Variants in ICA1L observed in about 807,000 individuals in gnomAD.
The protein encoded by ICA1L is islet cell autoantigen 1 like, also known as islet cell autoantigen 1-like protein.
A neutral mutation model predicts 61.3 loss-of-function variants in ICA1L; 50 were observed. The ratio of observed to expected loss-of-function variants is 0.82; its 90% confidence interval spans 0.65 to 1.03. ICA1L has a LOEUF of 1.03. Among genes scored for constraint, ICA1L ranks in the 50% least tolerant of loss-of-function variants. ICA1L has a pLI of 0.00. For missense variants in ICA1L, 508 were observed against 556.7 expected, an observed-to-expected ratio of 0.91 and a Z score of 0.88; for synonymous variants, 161 against 191.3, an observed-to-expected ratio of 0.84 and a Z score of 1.31.
chr2:202,830,524 ATAC>A (rs532736396), intron 1 of ICA1L, among the ~76,000 whole-genome samples: 1 of 152,274 alleles, frequency 6.6e-6, no homozygotes, highest in South Asian at 2.1e-4. Context: ...AAAAGAATAA[ATAC>A]TAATAACATT....
intron 1 of ICA1L, chr2:202,840,276 C>T: frequency 6.7e-6 from 3 of 446,952 alleles, no homozygotes; most frequent in East Asian, 6.3e-5. Flanking sequence ...GGCCTCCCTC[C>T]CAAGCTCTGG....
chr2:202,871,036 C>T (rs1336709720), intron 1 of ICA1L: 2 of 152,226 alleles, frequency 1.3e-5, no homozygotes, highest in African/African-American at 4.8e-5. Context: ...CCTCGCGGGC[C>T]CGTGCATTCT....
intron 2 of ICA1L, among the ~76,000 whole-genome samples, chr2:202,826,618 C>T (rs1693849471): frequency 6.6e-6 from 1 of 152,090 alleles, no homozygotes; most frequent in South Asian, 2.1e-4. Flanking sequence ...ATTACAGATG[C>T]CCATTACCGT....
chr2:202,790,795 C>T (rs1692723631), intron 10 of ICA1L, among the ~76,000 whole-genome samples: 2 of 152,148 alleles, frequency 1.3e-5, no homozygotes, highest in South Asian at 2.1e-4. Context: ...CCAAGAAGAC[C>T]TAAGGCTACC....
chr2:202,799,923 G>C (rs1480931618), intron 9 of ICA1L, among the ~76,000 whole-genome samples: 1 of 150,500 alleles, frequency 6.6e-6, no homozygotes, highest in East Asian at 1.9e-4. Flanking sequence ...CTGTTGCCAG[G>C]CTGGAGTGCA....
rs562230381 is a variant in ICA1L at position 202,777,044 on chromosome 2, C to CTTTTTTTTTTTTTTTTTTTTTTT, written c.*2466_*2488dup. Reference sequence around the variant, plus strand: ...ACAAACTCTCAAGACATAAAGTTAGCTTTTTTTTTTTTTTTTTTTTTTTTT... The same window carrying CTTTTTTTTTTTTTTTTTTTTTTT: ...ACAAACTCTCAAGACATAAAGTTAGCTTTTTTTTTTTTTTTTTTTTTTTTTTTTTTTTTTTTTTTTTTTTTTTT... On this transcript the variant is annotated 3_prime_UTR_variant, in exon 13 of 13. Transcript: ENST00000358299. The CTTTTTTTTTTTTTTTTTTTTTTT allele has an allele frequency of 1.5e-5, 1 of 68,578 alleles. No homozygotes were observed. Among genetic ancestry groups the CTTTTTTTTTTTTTTTTTTTTTTT allele is most frequent in the African/African-American group, 6.6e-5 (1 of 15,256 alleles). The allele number at this position is 68,578 out of a possible 1,614,324, so 4.2% of individuals were successfully genotyped here.
intron 3 of ICA1L, among the ~76,000 whole-genome samples, chr2:202,823,840 T>C (rs1693763259): frequency 6.6e-6 from 1 of 152,222 alleles, no homozygotes; most frequent in Non-Finnish European, 1.5e-5. Context: ...CTACTTACAT[T>C]GTCTCTCTTT....
In ICA1L at chr2:202,774,749, G is replaced by C. The variant is rs1692169761; in HGVS notation, c.*4784C>G. 6.4e-6 allele frequency: 1 copy of C among 155,550 alleles called. No homozygotes were observed. Among genetic ancestry groups the C allele is most frequent in the African/African-American group, 2.4e-5 (1 of 41,612 alleles). The allele number at this position is 155,550 out of a possible 1,614,324, so 9.6% of individuals were successfully genotyped here. A position where few individuals can be genotyped will look rare whatever the true frequency, so the allele number is the denominator to read the frequency against. On this transcript the variant is annotated 3_prime_UTR_variant, in exon 13 of 13. Transcript: ENST00000358299. ...ATGTTACTAGGTCATGGGCAAGGTA[G>C]CAAGGGAAACTTGTGGCAGGGGCCA...
rs1692255125 is a variant in ICA1L, at chr2:202,777,295, C to G, written c.*2238G>C. 6.6e-6 allele frequency: 1 copy of G among 152,196 alleles called. No individual in the cohort carries two copies. Among genetic ancestry groups the G allele is most frequent in the Non-Finnish European group, 1.5e-5 (1 of 68,082 alleles). The allele number at this position is 152,196 out of a possible 1,614,324, so 9.4% of individuals were successfully genotyped here. On this transcript the variant is annotated 3_prime_UTR_variant, in exon 13 of 13. Coordinates refer to ENST00000358299, the MANE Select transcript of ICA1L (RefSeq NM_001288622.3). ...CTCGAACTCATGCCCTCAAATGTTC[C>G]ACCCGCCATGGCCTCCCAAAGTGCT... is the stretch of plus-strand genomic sequence containing the variant.
Position 202,789,087 on chromosome 2 carries a change from A to T in ICA1L, c.986T>A (p.Val329Asp). 6.2e-7 allele frequency: 1 copy of T among 1,602,474 alleles called. No homozygotes were observed. Residue 329 changes from valine to aspartate, a missense_variant and splice_region_variant, in exon 11 of 13, where the codon GTT becomes GAT. Physicochemically the swap from Val to Asp is radical, Grantham distance 152. Transcript: ENST00000358299. ...GAPQFSNSENVAKDLPVDSLE... is the reference protein window; with the variant it reads ...GAPQFSNSENDAKDLPVDSLE... ...TGAATCTACAGGTAGATCTTTTGCA[A>T]CTATTGAGTGTAAATAAAAACAGAA...
chr2:202,841,767 C>A, intron 1 of ICA1L: 1 of 442,724 alleles, frequency 2.3e-6, no homozygotes, highest in South Asian at 1.8e-5. Flanking sequence ...ACTTCTGGGT[C>A]ACCATGATGG....
rs182738810 is a variant in ICA1L, at chr2:202,797,670, C to T, written c.911-706G>A. Among the ~76,000 whole-genome samples the T allele has an allele frequency of 3.1e-3, 473 of 152,100 alleles. 4 individuals carry two copies. Among genetic ancestry groups the T allele is most frequent in the African/African-American group, 0.011 (454 of 41,504 alleles). On this transcript the variant is annotated intron_variant, in intron 9 of 12. Transcript: ENST00000358299. Reference sequence around the variant, plus strand: ...CCAAGTAGCTGGGATTACAGGCATGCGCCACCACACCTGGCTAATTTTTAT... The same window carrying T: ...CCAAGTAGCTGGGATTACAGGCATGTGCCACCACACCTGGCTAATTTTTAT...
chr2:202,798,471 G>A (rs1319293496), intron 9 of ICA1L, among the ~76,000 whole-genome samples: 1 of 152,018 alleles, frequency 6.6e-6, no homozygotes, highest in Non-Finnish European at 1.5e-5. Context: ...GAACTTCTGG[G>A]CTCAAGCAAT....
chr2:202,830,942 A>G (rs576112784), intron 1 of ICA1L, among the ~76,000 whole-genome samples: 18 of 152,342 alleles, frequency 1.2e-4, no homozygotes, highest in African/African-American at 4.3e-4. Flanking sequence ...TCGAAATCCA[A>G]CTATATGCTA....
chr2:202,774,347 C>T lies in ICA1L; in HGVS notation c.*5186G>A, dbSNP rs1325259870. On this transcript the variant is annotated 3_prime_UTR_variant, in exon 13 of 13. Transcript: ENST00000358299. ...CCGCAGCGCTGAGGCGAGCCTGCCG[C>T]GCGCTCCGCTCAGCGTGGTCTGGCA... is the stretch of plus-strand genomic sequence containing the variant. The T allele has an allele frequency of 2.9e-6, 4 of 1,383,780 alleles. No homozygotes were observed. The highest frequency in any genetic ancestry group is 3.2e-5 in the South Asian group (2 of 63,160). The allele number at this position is 1,383,780 out of a possible 1,614,324, so 85.7% of individuals were successfully genotyped here.
At chr2:202,781,573 CAAAAAAA>C (rs200593045) in intron 12 of ICA1L, among the ~76,000 whole-genome samples, 9 of 103,690 alleles carry the variant, frequency 8.7e-5, no homozygotes, top group Non-Finnish European at 1.4e-4. Context: ...GACCCTGTCT[CAAAAAAA>C]AAAAAAAAAA....
At chr2:202,832,767 TGTGACAGACTGC>T (rs1212007521) in intron 1 of ICA1L, among the ~76,000 whole-genome samples, 1 of 151,732 alleles carries the variant, frequency 6.6e-6, no homozygotes, top group Admixed American at 6.6e-5. Flanking sequence ...TGACAGACTG[TGTGACAGACTGC>T]CTCTTAAAAA....
In ICA1L at chr2:202,775,027, AGTC is replaced by A. The variant is rs1352741084; in HGVS notation, c.*4503_*4505del. 6.6e-6 allele frequency: 1 copy of A among 152,208 alleles called. No homozygotes were observed. Among genetic ancestry groups the A allele is most frequent in the Admixed American group, 6.5e-5 (1 of 15,278 alleles). The allele number at this position is 152,208 out of a possible 1,614,324, so 9.4% of individuals were successfully genotyped here. A position where few individuals can be genotyped will look rare whatever the true frequency, so the allele number is the denominator to read the frequency against. On this transcript the variant is annotated 3_prime_UTR_variant, in exon 13 of 13. Transcript: ENST00000358299. ...GACAGTTTGTTTTGAACTCTTTAGT[AGTC>A]TTTTAAATGGTACAGAAAAAGATGG...
chr2:202,784,006 GT>G (rs1692497976), intron 12 of ICA1L, among the ~76,000 whole-genome samples: 1 of 152,220 alleles, frequency 6.6e-6, no homozygotes, highest in Admixed American at 6.5e-5. Flanking sequence ...AACTTCTGTA[GT>G]CTTTCTATAA....
Sources: allele counts gnomAD v4.1 joint callset (sites outside exome capture counted in the v4.1 genomes callset), GRCh38; gene constraint gnomAD v4.1.1; transcripts MANE v1.5; gene names NCBI Gene and HGNC (gene_info 2026-07-23, HGNC 2026-07-21).